SARS1: variants seen among roughly 807,000 people sequenced by gnomAD.
SARS1 encodes seryl-tRNA synthetase 1.
Under a neutral mutation model 63.7 loss-of-function variants are expected in SARS1, and 25 were observed. That is an observed-to-expected ratio of 0.39 (90% CI 0.29 to 0.55). SARS1 has a LOEUF of 0.55. Ranked by LOEUF, SARS1 falls within the 20% of genes least tolerant of loss-of-function variation. The pLI, the probability that SARS1 is intolerant of heterozygous loss-of-function variation, is 0.62. For missense variants in SARS1, 417 were observed against 649.7 expected (o/e 0.64, Z 3.89); for synonymous variants, 231 against 243.5 (o/e 0.95, Z 0.48).
intron 1 of SARS1, among the ~76,000 whole-genome samples, chr1:109,217,861 C>G (rs553966268): frequency 3.3e-5 from 5 of 151,934 alleles, no homozygotes; most frequent in African/African-American, 9.7e-5. Context: ...CGCCCAGCCC[C>G]GAAATTATAT....
At chr1:109,221,538 C>A (rs546830962) in intron 1 of SARS1, among the ~76,000 whole-genome samples, 1 of 152,292 alleles carries the variant, frequency 6.6e-6, no homozygotes, top group East Asian at 1.9e-4. Context: ...TTGCAGATCA[C>A]TTGATTGTGT....
chr1:109,236,096 T>C lies in SARS1; in HGVS notation c.1089T>C (p.Asn363=), dbSNP rs757818574. Reference sequence around the variant, plus strand: ...TGGGGATTCCTTACCACATTGTGAATATTGTCTCAGGTATGGGACCCAGCC... The same window carrying C: ...TGGGGATTCCTTACCACATTGTGAACATTGTCTCAGGTATGGGACCCAGCC... ...QSLGIPYHIV[N]IVSGSLNHAA... Residue 363 remains asparagine (N), a synonymous_variant, in exon 8 of 11, where the codon AAT becomes AAC. Coordinates refer to ENST00000234677, the MANE Select transcript of SARS1 (RefSeq NM_006513.4). 37 of 1,613,476 alleles carry C rather than the reference T, an allele frequency of 2.3e-5. No individual in the cohort carries two copies. The highest frequency in any genetic ancestry group is 2.7e-5 in the African/African-American group (2 of 74,900).
At chr1:109,215,002 C>G in intron 1 of SARS1, 2 of 985,446 alleles carry the variant, frequency 2.0e-6, no homozygotes, top group Middle Eastern at 5.2e-4. Context: ...TTGTCTGATG[C>G]AATAGGTCTG....
chr1:109,236,193 C>A, intron 8 of SARS1, 87 bp downstream of exon 8: 1 of 1,474,312 alleles, frequency 6.8e-7, no homozygotes. Context: ...AGAGAAACAG[C>A]TCACAATTCA....
chr1:109,237,702 A>C lies in SARS1; in HGVS notation c.1388-29A>C. On this transcript the variant is annotated intron_variant, in intron 10 of 10. Transcript: ENST00000234677. This position sits in a 1 kb window ranked among gnomAD's most constrained non-coding sequence, Gnocchi z 4.1. The stretch of plus-strand genomic sequence containing the variant: ...GGGCTTTGACTCACTGAGAAACAAC[A>C]GGTCATTTGGTTGGCTCTTCCCTCC... The C allele has an allele frequency of 6.2e-7, 1 of 1,611,566 alleles. No individual in the cohort carries two copies. The highest frequency in any genetic ancestry group is 8.5e-7 in the Non-Finnish European group (1 of 1,178,620).
In SARS1 at chr1:109,228,351, G is replaced by GA; in HGVS notation, c.213dup (p.Glu72ArgfsTer6). On this transcript the variant is annotated frameshift_variant and splice_region_variant. Coordinates refer to ENST00000234677, the MANE Select transcript of SARS1 (RefSeq NM_006513.4). LOFTEE classifies it high-confidence loss of function. ...GTGTTGGGTTTTTTTCCTTCCTGCA[G>GA]AAAAAAGAGCCAGTGGGAGATGATG... The GA allele has an allele frequency of 1.9e-6, 3 of 1,609,588 alleles. No homozygotes were observed. Among genetic ancestry groups the GA allele is most frequent in the South Asian group, 1.1e-5 (1 of 89,906 alleles).
At chr1:109,236,715 G>C in intron 9 of SARS1, 167 bp downstream of exon 9, 1 of 1,513,200 alleles carries the variant, frequency 6.6e-7, no homozygotes, top group Non-Finnish European at 8.8e-7. Flanking sequence ...AGTCAGGACT[G>C]AGTTCTTTTA....
At position 109,232,409 on chromosome 1, in the gene SARS1, G is replaced by T. The variant is rs369179773; in HGVS notation, c.747+623G>T. Among the ~76,000 whole-genome samples, 128 of 152,328 alleles carry T rather than the reference G, an allele frequency of 8.4e-4. 1 individual carries two copies. Among genetic ancestry groups the T allele is most frequent in the African/African-American group, 2.9e-3 (122 of 41,584 alleles). On this transcript the variant is annotated intron_variant, in intron 6 of 10. Transcript: ENST00000234677. ...TTCTAGAGCGTCTCTGCTAACAGCT[G>T]TCCAATGCAGCAGTGTCTACTATTC... is the stretch of plus-strand genomic sequence containing the variant.
Position 109,237,867 on chromosome 1 carries a change from C to G in SARS1, c.1524C>G (p.Asn508Lys), listed in dbSNP as rs1447397104. 1.2e-6 allele frequency: 2 copies of G among 1,614,102 alleles called. No homozygotes were observed. The highest frequency in any genetic ancestry group is 1.7e-5 in the Admixed American group (1 of 59,998). ...TCACCCTAGAAAACAGGCTGCAGAACATGGAGGTCACCGATGCTTGAACAT... is the reference window on the plus strand; with the variant it reads ...TCACCCTAGAAAACAGGCTGCAGAAGATGGAGGTCACCGATGCTTGAACAT... ...RDVTLENRLQ[N>K]MEVTDA Residue 508 changes from asparagine (N) to lysine (K), a missense_variant, in exon 11 of 11, where the codon AAC becomes AAG. Asn to Lys is a moderately conservative substitution (Grantham distance 94). Transcript: ENST00000234677. This position sits in a 1 kb window ranked among gnomAD's most constrained non-coding sequence, Gnocchi z 4.1.
At chr1:109,215,837 T>C (rs747548636) in intron 1 of SARS1, 12 of 328,842 alleles carry the variant, frequency 3.6e-5, no homozygotes, top group Non-Finnish European at 5.2e-5. Context: ...TCCAAGTAGC[T>C]GGGACTACAG....
Position 109,214,223 on chromosome 1 carries a change from T to A in SARS1, c.136+95T>A. 1 of 1,426,718 alleles carries A rather than the reference T, an allele frequency of 7.0e-7. No individual in the cohort carries two copies. The highest frequency in any genetic ancestry group is 9.5e-7 in the Non-Finnish European group (1 of 1,052,118). The allele number at this position is 1,426,718 out of a possible 1,614,324, so 88.4% of individuals were successfully genotyped here. A position where few individuals can be genotyped will look rare whatever the true frequency, so the allele number is the denominator to read the frequency against. ...GCTCCTGAGGCCACAGCTTCCACCC[T>A]TCGTCAGACCCCCTCCCAGGGTGCG... On this transcript the variant is annotated intron_variant, in intron 1 of 10. Coordinates refer to ENST00000234677, the MANE Select transcript of SARS1 (RefSeq NM_006513.4). The surrounding 1 kb of genome is among the most constrained non-coding windows in gnomAD (Gnocchi z 4.6).
chr1:109,236,999 T>TA, intron 9 of SARS1: 1 of 1,371,592 alleles, frequency 7.3e-7, no homozygotes, highest in Non-Finnish European at 9.7e-7. Context: ...AGGGCCCAAC[T>TA]CTCAGAATAC....
chr1:109,214,089 G>C lies in SARS1; in HGVS notation c.97G>C (p.Val33Leu). The change falls in exon 1 of 11, where the codon GTG becomes CTG. Residue 33 changes from valine to leucine, a missense_variant. Physicochemically the swap from Val to Leu is conservative, Grantham distance 32. Coordinates refer to ENST00000234677, the MANE Select transcript of SARS1 (RefSeq NM_006513.4). The surrounding 1 kb of genome is among the most constrained non-coding windows in gnomAD (Gnocchi z 4.6). Reference protein sequence around the residue: ...QEKRFKDPGLVDQLVKADSEW... With the variant: ...QEKRFKDPGLLDQLVKADSEW... ...GAAGCGCTTCAAGGACCCGGGACTA[G>C]TGGACCAGCTGGTGAAGGCAGACAG... 6.2e-7 allele frequency: 1 copy of C among 1,614,142 alleles called. No homozygotes were observed. Among genetic ancestry groups the C allele is most frequent in the Non-Finnish European group, 8.5e-7 (1 of 1,180,000 alleles).
rs749214954 is a variant in SARS1 at position 109,231,663 on chromosome 1, C to T, written c.624C>T (p.Ile208=). 7.6e-6 allele frequency: 12 copies of T among 1,573,770 alleles called. No homozygotes were observed. The highest frequency in any genetic ancestry group is 1.0e-5 in the Non-Finnish European group (12 of 1,162,514). Residue 208 remains isoleucine, a synonymous_variant, in exon 6 of 11, where the codon ATC becomes ATT. Coordinates refer to ENST00000234677, the MANE Select transcript of SARS1 (RefSeq NM_006513.4). ...TGGTGTTCCTGGAACAGGCTCTCAT[C>T]CAGTATGCCCTTCGCACCTTGGGAA... is the stretch of plus-strand genomic sequence containing the variant. ...GVLVFLEQAL[I]QYALRTLGSR... is the part of the protein sequence containing the mutation.
chr1:109,222,844 TACAAAA>T (rs1249392947), intron 1 of SARS1, among the ~76,000 whole-genome samples: 1 of 152,058 alleles, frequency 6.6e-6, no homozygotes, highest in East Asian at 1.9e-4. Flanking sequence ...ACTCCATCTC[TACAAAA>T]ATAAAAATAA....
intron 9 of SARS1, chr1:109,236,948 GA>G: frequency 6.6e-7 from 1 of 1,512,530 alleles, no homozygotes; most frequent in Non-Finnish European, 8.8e-7. Flanking sequence ...TGAAAGGGGT[GA>G]AAAGGAAAGG....
At position 109,235,084 on chromosome 1, in the gene SARS1, C is replaced by A; in HGVS notation, c.748-126C>A. On this transcript the variant is annotated intron_variant, in intron 6 of 10. Coordinates refer to ENST00000234677, the MANE Select transcript of SARS1 (RefSeq NM_006513.4). This position sits in a 1 kb window ranked among gnomAD's most constrained non-coding sequence, Gnocchi z 4.7. ...CCTTTATCTTTTTAGTATTCTCTCC[C>A]CACTCCCAGGCAGGGATTAAAGGAA... is the stretch of plus-strand genomic sequence containing the variant. The A allele has an allele frequency of 1.4e-6, 1 of 730,974 alleles. No individual in the cohort carries two copies. The allele number at this position is 730,974 out of a possible 1,614,324, so 45.3% of individuals were successfully genotyped here.
At chr1:109,229,830 C>CCGTGGTAGCAGGCATCT (rs1655170954) in intron 4 of SARS1, among the ~76,000 whole-genome samples, 1 of 152,150 alleles carries the variant, frequency 6.6e-6, no homozygotes, top group African/African-American at 2.4e-5. Context: ...TGCATGTTGC[C>CCGTGGTAGCAGGCATCT]CGTGGTAGCA....
Position 109,237,810 on chromosome 1 carries a change from G to GGGCAGCAAAAAGAAAGC in SARS1, c.1468_1484dup (p.Arg498LysfsTer11), listed in dbSNP as rs766232129. On this transcript the variant is annotated frameshift_variant, in exon 11 of 11. Coordinates refer to ENST00000234677, the MANE Select transcript of SARS1 (RefSeq NM_006513.4). LOFTEE classifies it high-confidence loss of function. This position sits in a 1 kb window ranked among gnomAD's most constrained non-coding sequence, Gnocchi z 4.1. ...CAAAGAAGCAGAAGAAGCAACATGA[G>GGGCAGCAAAAAGAAAGC]GGCAGCAAAAAGAAAGCAGCAGCAA... 1.2e-6 allele frequency: 2 copies of GGGCAGCAAAAAGAAAGC among 1,614,172 alleles called. No individual in the cohort carries two copies. The highest frequency in any genetic ancestry group is 1.7e-6 in the Non-Finnish European group (2 of 1,180,044).
Sources: allele counts gnomAD v4.1 joint callset (sites outside exome capture counted in the v4.1 genomes callset), GRCh38; gene constraint gnomAD v4.1.1; non-coding constraint Gnocchi (gnomAD v3.1); transcripts MANE v1.5; gene names NCBI Gene and HGNC (gene_info 2026-07-23, HGNC 2026-07-21).